OTOGL: variants seen among roughly 807,000 people sequenced by gnomAD.
The protein encoded by OTOGL is otogelin like.
Under a neutral mutation model 318.5 loss-of-function variants are expected in OTOGL, and 285 were observed. That is an observed-to-expected ratio of 0.89 (90% CI 0.81 to 0.99). OTOGL has a LOEUF of 0.99. Ranked by LOEUF, OTOGL falls within the 50% of genes least tolerant of loss-of-function variation. The probability of loss-of-function intolerance (pLI) is 0.00; values close to 1 mark genes in which losing one functional copy is unlikely to be tolerated. For missense variants in OTOGL, 2,899 were observed against 2,845.6 expected, an observed-to-expected ratio of 1.02 and a Z score of -0.43; for synonymous variants, 987 against 936.5, an observed-to-expected ratio of 1.05 and a Z score of -0.99.
chr12:80,255,178 G>A lies in OTOGL; in HGVS notation c.1580G>A (p.Cys527Tyr), dbSNP rs745373232. ...KFTITLQKAPCEQNLGLVCLQ... is the reference protein window; with the variant it reads ...KFTITLQKAPYEQNLGLVCLQ... ...ACGATTACTTTACAGAAAGCTCCCT[G>A]TGAGCAGGTAAGAACATTTCAAAAT... The change falls in exon 16 of 59, where the codon TGT (cysteine) becomes TAT (tyrosine). Residue 527 changes from cysteine to tyrosine, a missense_variant. Cys to Tyr is a radical substitution (Grantham distance 194). Around this residue, in one of 3 missense-constraint regions of OTOGL, gnomAD observed 2,607 missense variants for 2,524.9 expected, o/e 1.03. Transcript: ENST00000547103. 2.7e-6 allele frequency: 4 copies of A among 1,507,044 alleles called. No individual in the cohort carries two copies. The highest frequency in any genetic ancestry group is 3.5e-6 in the Non-Finnish European group (4 of 1,133,630). The allele number at this position is 1,507,044 out of a possible 1,614,324, so 93.4% of individuals were successfully genotyped here.
At chr12:80,338,825 G>A (rs1190061689) in intron 42 of OTOGL, among the ~76,000 whole-genome samples, 1 of 151,888 alleles carries the variant, frequency 6.6e-6, no homozygotes, top group Non-Finnish European at 1.5e-5. Context: ...ACATAACATA[G>A]AAGAAAGTTA....
At chr12:80,348,237 G>A (rs1889324146) in intron 44 of OTOGL, among the ~76,000 whole-genome samples, 1 of 152,106 alleles carries the variant, frequency 6.6e-6, no homozygotes, top group Admixed American at 6.6e-5. Context: ...TTCCTCTAGG[G>A]TTTTTATGGT....
At chr12:80,286,336 T>C (rs914988032) in intron 26 of OTOGL, among the ~76,000 whole-genome samples, 2 of 152,192 alleles carry the variant, frequency 1.3e-5, no homozygotes, top group Admixed American at 6.5e-5. Context: ...GAAATTTTCT[T>C]ATTTTGTTGT....
rs553820461 is a variant in OTOGL, at chr12:80,126,016, G to C, written c.-20+26411G>C. ...CTCCTGGAATCATTGATTTTTTGAA[G>C]GGTTTTTTGTGTCCCTATTTCCTTC... On this transcript the variant is annotated intron_variant, in intron 1 of 58. Coordinates refer to ENST00000547103, the MANE Select transcript of OTOGL (RefSeq NM_001378609.3). 2.0e-5 allele frequency among the ~76,000 whole-genome samples: 3 copies of C among 152,126 alleles called. No individual in the cohort carries two copies. In the East Asian group the frequency reaches 5.8e-4, roughly 29 times the overall value.
chr12:80,134,595 A>C (rs1376046845), intron 1 of OTOGL, among the ~76,000 whole-genome samples: 1 of 152,176 alleles, frequency 6.6e-6, no homozygotes, highest in Admixed American at 6.5e-5. Context: ...TCCACTACTC[A>C]TGAAACTCTC....
intron 1 of OTOGL, among the ~76,000 whole-genome samples, chr12:80,108,771 G>A (rs893733391): frequency 2.1e-4 from 27 of 129,458 alleles, no homozygotes; most frequent in African/African-American, 6.7e-4. Flanking sequence ...ATATATACAC[G>A]TATATATATA....
chr12:80,124,287 A>C (rs2137105119), intron 1 of OTOGL, among the ~76,000 whole-genome samples: 1 of 152,318 alleles, frequency 6.6e-6, no homozygotes, highest in Non-Finnish European at 1.5e-5. Context: ...CCATTTATTA[A>C]ATAGGGAATC....
Position 80,116,248 on chromosome 12 carries a change from G to A in OTOGL, c.-20+16643G>A, listed in dbSNP as rs548257153. Among the ~76,000 whole-genome samples, 523 of 152,146 alleles carry A rather than the reference G, an allele frequency of 3.4e-3. 4 individuals carry two copies. The highest frequency in any genetic ancestry group is 0.012 in the African/African-American group (502 of 41,512). ...GTGGGAGAGGTGTAGTATCTGGGCC[G>A]GATAGCACCATCCCTCATGGCACAG... On this transcript the variant is annotated intron_variant, in intron 1 of 58. Coordinates refer to ENST00000547103, the MANE Select transcript of OTOGL (RefSeq NM_001378609.3).
At chr12:80,166,983 T>C (rs1400368787) in intron 1 of OTOGL, among the ~76,000 whole-genome samples, 1 of 152,208 alleles carries the variant, frequency 6.6e-6, no homozygotes, top group Admixed American at 6.5e-5. Context: ...CTAGGCAGAA[T>C]GAATTTCGGG....
chr12:80,118,944 T>A (rs59215085), intron 1 of OTOGL, among the ~76,000 whole-genome samples: 5 of 152,212 alleles, frequency 3.3e-5, no homozygotes, highest in African/African-American at 1.2e-4. Context: ...GGTTTCTGGT[T>A]TCAAAGGAAA....
chr12:80,356,350 C>T, intron 47 of OTOGL, 66 bp from the exon 48 acceptor site: 1 of 1,240,816 alleles, frequency 8.1e-7, no homozygotes, highest in Non-Finnish European at 1.1e-6. Context: ...GCAGTCATTT[C>T]CCTGCTTTGA....
intron 1 of OTOGL, among the ~76,000 whole-genome samples, chr12:80,124,473 A>G (rs894649318): frequency 3.3e-5 from 5 of 152,178 alleles, no homozygotes; most frequent in African/African-American, 1.2e-4. Context: ...AGGTAGCATG[A>G]TGCCTCCAGC....
chr12:80,107,505 T>C (rs752615079), intron 1 of OTOGL, among the ~76,000 whole-genome samples: 3 of 152,200 alleles, frequency 2.0e-5, no homozygotes, highest in Non-Finnish European at 4.4e-5. Flanking sequence ...CTGGTGGGGA[T>C]GTAAATTAGT....
At chr12:80,366,263 T>C (rs922331680) in intron 52 of OTOGL, 1 of 443,770 alleles carries the variant, frequency 2.3e-6, no homozygotes, top group Non-Finnish European at 4.5e-6. Flanking sequence ...ATGTGTATAC[T>C]ATAGCAGCCT....
chr12:80,341,663 T>C (rs1347463247), intron 43 of OTOGL, among the ~76,000 whole-genome samples: 1 of 152,178 alleles, frequency 6.6e-6, no homozygotes, highest in Non-Finnish European at 1.5e-5. Flanking sequence ...AGGAACAGAA[T>C]TAATGTCTTC....
Position 80,265,214 on chromosome 12 carries a change from A to G in OTOGL, c.2224+4A>G. ...AGAACTCAGATTTCTTTCTGTGGTG[A>G]GTACAATGGCACAGATAAAGACTAT... On this transcript the variant is annotated splice_donor_region_variant and intron_variant, in intron 20 of 58. Transcript: ENST00000547103. 6.2e-7 allele frequency: 1 copy of G among 1,610,094 alleles called. No homozygotes were observed.
chr12:80,139,354 G>T (rs897547470), intron 1 of OTOGL, among the ~76,000 whole-genome samples: 14 of 152,264 alleles, frequency 9.2e-5, no homozygotes, highest in African/African-American at 3.4e-4. Context: ...ATTTAAATAA[G>T]TCAATATGAA....
intron 26 of OTOGL, among the ~76,000 whole-genome samples, chr12:80,287,483 TA>T (rs1198116741): frequency 1.3e-5 from 2 of 151,988 alleles, no homozygotes. Context: ...ATATGTCTCA[TA>T]TTGACAGTGG....
intron 1 of OTOGL, among the ~76,000 whole-genome samples, chr12:80,155,927 A>G (rs982876431): frequency 6.6e-6 from 1 of 152,224 alleles, no homozygotes; most frequent in Non-Finnish European, 1.5e-5. Flanking sequence ...AGTTACGTCC[A>G]CGTTGTGGCA....
Sources: allele counts gnomAD v4.1 joint callset (sites outside exome capture counted in the v4.1 genomes callset), GRCh38; gene constraint gnomAD v4.1.1; regional missense constraint gnomAD v4.1.1; transcripts MANE v1.5; gene names NCBI Gene and HGNC (gene_info 2026-07-23, HGNC 2026-07-21).